The following ABCD3 variants were observed in gnomAD, a reference collection of about 807,000 sequenced individuals.
ABCD3 encodes ATP binding cassette subfamily D member 3.
Under a neutral mutation model 105.5 loss-of-function variants are expected in ABCD3, and 41 were observed. That is an observed-to-expected ratio of 0.39 (90% confidence interval 0.30 to 0.50). ABCD3 has a LOEUF of 0.50. ABCD3 is among the 20% of genes least tolerant of loss of function. The pLI, the probability that ABCD3 is intolerant of heterozygous loss-of-function variation, is 0.84. For synonymous variants in ABCD3, 258 were observed against 269.0 expected, an observed-to-expected ratio of 0.96 and a Z score of 0.40; for missense variants, 622 against 806.3, an observed-to-expected ratio of 0.77 and a Z score of 2.77.
At chr1:94,387,379 A>C in the ABCD3 span, among the ~76,000 whole-genome samples, 1 of 152,244 alleles carries the variant, frequency 6.6e-6, no homozygotes, top group South Asian at 2.1e-4. Context: ...AACCATTTCC[A>C]TTTCTATAAG....
intron 1 of ABCD3, among the ~76,000 whole-genome samples, chr1:94,427,672 A>G (rs982533461): frequency 6.6e-6 from 1 of 152,174 alleles, no homozygotes; most frequent in African/African-American, 2.4e-5. Context: ...ATGGTATTTC[A>G]CTATGTTGAC....
rs575913302 is a variant in ABCD3 at position 94,511,784 on chromosome 1, C to A, written c.1846-3362C>A. On this transcript the variant is annotated intron_variant, in intron 21 of 22. Coordinates refer to ENST00000370214, the MANE Select transcript of ABCD3 (RefSeq NM_002858.4). ...TACCCTTTCTTCCAGTTGATCACAT[C>A]GGCTCCTGAGGCTTCTGCATTCTTC... 2.6e-5 allele frequency among the ~76,000 whole-genome samples: 4 copies of A among 152,058 alleles called. No individual in the cohort carries two copies. In the South Asian group the frequency reaches 8.3e-4, roughly 31 times the overall value.
chr1:94,488,942 A>G (rs1305165158), intron 13 of ABCD3, among the ~76,000 whole-genome samples: 1 of 151,622 alleles, frequency 6.6e-6, no homozygotes, highest in Admixed American at 6.6e-5. Flanking sequence ...TATGATTGAC[A>G]TATAAGAAAC....
At chr1:94,479,874 G>A (rs762730964) in intron 8 of ABCD3, among the ~76,000 whole-genome samples, 4 of 152,122 alleles carry the variant, frequency 2.6e-5, no homozygotes, top group East Asian at 1.9e-4. Context: ...ATGAGGTCAC[G>A]TACAAAGTTA....
chr1:94,485,146 A>G (rs1165377599), intron 10 of ABCD3, among the ~76,000 whole-genome samples: 1 of 152,232 alleles, frequency 6.6e-6, no homozygotes, highest in Non-Finnish European at 1.5e-5. Context: ...TTTAAAGAAT[A>G]TAAGCATTGT....
At chr1:94,490,038 T>C (rs1156977863) in intron 15 of ABCD3, 63 bp downstream of exon 15, 1 of 1,439,546 alleles carries the variant, frequency 6.9e-7, no homozygotes, top group African/African-American at 1.4e-5. Context: ...GTAGTCTTTC[T>C]TTTTCAGCTT....
rs1648229151 is a variant in ABCD3 at position 94,467,893 on chromosome 1, A to G, written c.247-26A>G. On this transcript the variant is annotated intron_variant, in intron 3 of 22. Coordinates refer to ENST00000370214, the MANE Select transcript of ABCD3 (RefSeq NM_002858.4). ...TGAACTTTCTAAAATGCATGTATTT[A>G]ATTTACTATACCTGGTTTATTTTAG... The G allele has an allele frequency of 2.0e-6, 3 of 1,534,556 alleles. No homozygotes were observed. The East Asian group carries it at 6.8e-5, about 35-fold the overall frequency.
In ABCD3 at chr1:94,443,939, A is replaced by G. The variant is rs572220000; in HGVS notation, c.111-14668A>G. On this transcript the variant is annotated intron_variant, in intron 1 of 22. Transcript: ENST00000370214. ...CGTATTTTTTTGGATCAGTCTTGCCATGAGCTTATAAAATGTGTTAATTTT... is the reference window on the plus strand; with the variant it reads ...CGTATTTTTTTGGATCAGTCTTGCCGTGAGCTTATAAAATGTGTTAATTTT... 4.6e-4 allele frequency among the ~76,000 whole-genome samples: 70 copies of G among 152,314 alleles called. No individual in the cohort carries two copies. The South Asian group carries it at 0.014, about 31-fold the overall frequency.
intron 1 of ABCD3, among the ~76,000 whole-genome samples, chr1:94,434,688 C>T (rs1006810661): frequency 1.3e-5 from 2 of 152,104 alleles, no homozygotes; most frequent in Non-Finnish European, 2.9e-5. Context: ...AGTTAAGGCA[C>T]CTTTTATTGT....
chr1:94,517,236 A>G lies in ABCD3; in HGVS notation c.*107A>G, dbSNP rs1163068171. 1 of 847,306 alleles carries G rather than the reference A, an allele frequency of 1.2e-6. No homozygotes were observed. Among genetic ancestry groups the G allele is most frequent in the Non-Finnish European group, 2.0e-6 (1 of 512,190 alleles). 52.5% of individuals were successfully genotyped at this position (847,306 alleles called of 1,614,324 possible). On this transcript the variant is annotated 3_prime_UTR_variant, in exon 23 of 23. Coordinates refer to ENST00000370214, the MANE Select transcript of ABCD3 (RefSeq NM_002858.4). ...TTGAGCTTAGTTTTTTTTAAAAAAA[A>G]AAACAAAGCAACAAATTAACTAGAT... is the stretch of plus-strand genomic sequence containing the variant.
At position 94,475,119 on chromosome 1, in the gene ABCD3, A is replaced by G. The variant is rs373460632; in HGVS notation, c.406-24A>G. 72 of 1,451,686 alleles carry G rather than the reference A, an allele frequency of 5.0e-5. No individual in the cohort carries two copies. The African/African-American group carries it at 7.7e-4, about 15-fold the overall frequency. The allele number at this position is 1,451,686 out of a possible 1,614,324, so 89.9% of individuals were successfully genotyped here. On this transcript the variant is annotated intron_variant, in intron 5 of 22. Transcript: ENST00000370214. ...TAAGCAGAAATGAAAAGCAAAACCA[A>G]TAATATTTGTTTGTTTGTTTTAGAT...
At chr1:94,496,618 A>G (rs2101036845) in intron 16 of ABCD3, among the ~76,000 whole-genome samples, 1 of 141,838 alleles carries the variant, frequency 7.1e-6, no homozygotes. Context: ...CCCTACCCCT[A>G]CCTGATACAT....
rs1398605960 is a variant in ABCD3, at chr1:94,434,859, T to TAG, written c.110+16271_110+16272insAG. Reference sequence around the variant, plus strand: ...TGGCCCTTCCCAGTCACAGCCCCTTTCCTCTCACCTAAAAGTAATTGCTAT... The same window carrying TAG: ...TGGCCCTTCCCAGTCACAGCCCCTTTAGCCTCTCACCTAAAAGTAATTGCTAT... On this transcript the variant is annotated intron_variant, in intron 1 of 22. Coordinates refer to ENST00000370214, the MANE Select transcript of ABCD3 (RefSeq NM_002858.4). 2.5e-4 allele frequency among the ~76,000 whole-genome samples: 38 copies of TAG among 152,294 alleles called. No individual in the cohort carries two copies. In the East Asian group the frequency reaches 7.3e-3, roughly 29 times the overall value.
chr1:94,449,414 C>T (rs12131298), intron 1 of ABCD3, among the ~76,000 whole-genome samples: 54,945 of 152,086 alleles, frequency 0.36, 11,486 homozygotes, highest in Middle Eastern at 0.55. Context: ...TTACCATTGC[C>T]GTGAGTATTC....
At chr1:94,485,913 C>T (rs1649255963) in intron 10 of ABCD3, among the ~76,000 whole-genome samples, 1 of 152,052 alleles carries the variant, frequency 6.6e-6, no homozygotes, top group Non-Finnish European at 1.5e-5. Flanking sequence ...TGGGATGAGC[C>T]AGTTGCGGTG....
chr1:94,385,838 A>G, the ABCD3 span, among the ~76,000 whole-genome samples: 3 of 152,170 alleles, frequency 2.0e-5, no homozygotes, highest in South Asian at 6.2e-4. Flanking sequence ...ATATAGATAT[A>G]TGTCTATATA....
chr1:94,405,600 A>G, the ABCD3 span, among the ~76,000 whole-genome samples: 1 of 152,152 alleles, frequency 6.6e-6, no homozygotes, highest in Non-Finnish European at 1.5e-5. Context: ...CACCGCCATT[A>G]TCAAGCTTTT....
At chr1:94,515,591 A>G (rs1287853465) in intron 22 of ABCD3, among the ~76,000 whole-genome samples, 1 of 152,038 alleles carries the variant, frequency 6.6e-6, no homozygotes, top group Non-Finnish European at 1.5e-5. Context: ...AAGGGGGAAG[A>G]TTGAATAACA....
chr1:94,495,358 T>C lies in ABCD3; in HGVS notation c.1387-3244T>C, dbSNP rs374069087. Among the ~76,000 whole-genome samples the C allele has an allele frequency of 1.3e-4, 20 of 152,294 alleles. No individual in the cohort carries two copies. The South Asian group carries it at 1.7e-3, about 13-fold the overall frequency. ...TAAAGCATTCTGAGAGCCCCAATAA[T>C]ACAATGCTGTTAAGAACTTAATTTT... On this transcript the variant is annotated intron_variant, in intron 16 of 22. Transcript: ENST00000370214.
Sources: gnomAD v4.1 joint callset for allele counts (sites outside exome capture counted in the v4.1 genomes callset) on GRCh38, gnomAD v4.1.1 for gene constraint, MANE v1.5 for transcripts, NCBI Gene and HGNC (gene_info 2026-07-23, HGNC 2026-07-21) for gene names.